Variants in TIRAP observed in about 807,000 individuals in gnomAD.
TIRAP encodes the protein TIR domain containing adaptor protein.
Under a neutral mutation model 19.8 loss-of-function variants are expected in TIRAP, and 20 were observed. That is an observed-to-expected ratio of 1.01 (90% confidence interval 0.71 to 1.47). The LOEUF (loss-of-function observed/expected upper bound fraction) is 1.47. Ranked by LOEUF, TIRAP falls within the 40% of genes most tolerant of loss-of-function variation. TIRAP has a pLI of 0.00. For synonymous variants in TIRAP, 125 were observed against 121.7 expected (o/e 1.03, Z -0.18); for missense variants, 276 against 285.1 (o/e 0.97, Z 0.23).
Position 126,288,761 on chromosome 11 carries a change from TTAA to T in TIRAP, c.-216-1700_-216-1698del. On this transcript the variant is annotated intron_variant, in intron 1 of 4. Transcript: ENST00000392679. The surrounding 1 kb of genome is among the most constrained non-coding windows in gnomAD (Gnocchi z 5.0). ...TTTCATAAAATGAGAAACTGAAACT[TTAA>T]AATCTACATATATTAAGTAGATTAA... is the stretch of plus-strand genomic sequence containing the variant. Among the ~76,000 whole-genome samples, 1 of 152,314 alleles carries T rather than the reference TTAA, an allele frequency of 6.6e-6. No individual in the cohort carries two copies. Among genetic ancestry groups the T allele is most frequent in the Non-Finnish European group, 1.5e-5 (1 of 68,042 alleles).
chr11:126,283,693 G>A (rs1369130169), intron 1 of TIRAP, among the ~76,000 whole-genome samples: 4 of 152,206 alleles, frequency 2.6e-5, no homozygotes, highest in African/African-American at 9.7e-5. Context: ...CCAGTCTTCT[G>A]GTCCCCAGGG....
Position 126,290,923 on chromosome 11 carries a change from C to T in TIRAP, c.29C>T (p.Pro10Leu), listed in dbSNP as rs377412443. The T allele has an allele frequency of 1.2e-6, 2 of 1,607,626 alleles. No individual in the cohort carries two copies. The highest frequency in any genetic ancestry group is 1.7e-5 in the Admixed American group (1 of 59,418). The part of the protein sequence containing the change: MASSTSLPA[P>L]GSRPKKPLGK... ...GCATCATCGACCTCCCTCCCAGCTC[C>T]TGGCTCTCGGCCTAAGAAGCCTCTA... The change falls in exon 3 of 5, where the codon CCT becomes CTT. Residue 10 changes from proline (P) to leucine (L), a missense_variant. Physicochemically the swap from Pro to Leu is moderately conservative, Grantham distance 98. Coordinates refer to ENST00000392679, the MANE Select transcript of TIRAP (RefSeq NM_001318777.2). The surrounding 1 kb of genome is among the most constrained non-coding windows in gnomAD (Gnocchi z 4.9).
rs79200087 is a variant in TIRAP, at chr11:126,293,812, G to A, written c.*125G>A. On this transcript the variant is annotated 3_prime_UTR_variant, in exon 5 of 5. Coordinates refer to ENST00000392679, the MANE Select transcript of TIRAP (RefSeq NM_001318777.2). Reference sequence around the variant, plus strand: ...GAGTGAGTCACAGCGCTTTGCTCGTGACCCTGGGATCAGAGCACCCATCAG... The same window carrying A: ...GAGTGAGTCACAGCGCTTTGCTCGTAACCCTGGGATCAGAGCACCCATCAG... The A allele has an allele frequency of 2.1e-3, 2,317 of 1,081,778 alleles. 20 individuals are homozygous for A. In the East Asian group the frequency reaches 0.025, roughly 12 times the overall value. The allele number at this position is 1,081,778 out of a possible 1,614,324, so 67.0% of individuals were successfully genotyped here.
rs990840481 is a variant in TIRAP at position 126,287,632 on chromosome 11, A to G, written c.-216-2830A>G. Among the ~76,000 whole-genome samples the G allele has an allele frequency of 2.6e-5, 4 of 151,036 alleles. No homozygotes were observed. Among genetic ancestry groups the G allele is most frequent in the Non-Finnish European group, 5.9e-5 (4 of 67,688 alleles). ...CTGTGCCCAGCCCACTTTGGATTTT[A>G]TACAGCAAAACTCCATAATGTTTCC... On this transcript the variant is annotated intron_variant, in intron 1 of 4. Coordinates refer to ENST00000392679, the MANE Select transcript of TIRAP (RefSeq NM_001318777.2). This position sits in a 1 kb window ranked among gnomAD's most constrained non-coding sequence, Gnocchi z 4.2.
At chr11:126,286,480 G>A (rs1159427059) in intron 1 of TIRAP, among the ~76,000 whole-genome samples, 1 of 152,196 alleles carries the variant, frequency 6.6e-6, no homozygotes, top group Non-Finnish European at 1.5e-5. Flanking sequence ...TGTCTATCAA[G>A]CTATAAATGA....
Position 126,294,724 on chromosome 11 carries a change from G to T in TIRAP, c.*1037G>T. On this transcript the variant is annotated 3_prime_UTR_variant, in exon 5 of 5. Transcript: ENST00000392679. ...CCCCCCTCTCACTTCTCCCTATCAT[G>T]ACCCCTCTTTTGCTGAAAAAAATTT... 1 of 299,060 alleles carries T rather than the reference G, an allele frequency of 3.3e-6. No homozygotes were observed. Among genetic ancestry groups the T allele is most frequent in the Non-Finnish European group, 6.7e-6 (1 of 149,358 alleles). 18.5% of individuals were successfully genotyped at this position (299,060 alleles called of 1,614,324 possible). A position where few individuals can be genotyped will look rare whatever the true frequency, so the allele number is the denominator to read the frequency against.
chr11:126,292,996 A>G lies in TIRAP; in HGVS notation c.587A>G (p.Tyr196Cys), dbSNP rs532728808. The G allele has an allele frequency of 2.5e-6, 4 of 1,614,154 alleles. No individual in the cohort carries two copies. Among genetic ancestry groups the G allele is most frequent in the East Asian group, 2.2e-5 (1 of 44,882 alleles). ...CCACCTGAGCTCCGATTCATGTACT[A>G]CGTCGATGGCAGGGGCCCTGATGGT... is the stretch of plus-strand genomic sequence containing the variant. ...AYPPELRFMY[Y>C]VDGRGPDGGF... The change falls in exon 4 of 5, where the codon TAC becomes TGC. Residue 196 changes from tyrosine (Y) to cysteine (C), a missense_variant. Coordinates refer to ENST00000392679, the MANE Select transcript of TIRAP (RefSeq NM_001318777.2).
In TIRAP at chr11:126,292,886, C is replaced by G. The variant is rs1462625137; in HGVS notation, c.477C>G (p.Tyr159Ter). Reference sequence around the variant, plus strand: ...TCCTTCAGGACCCCTGGTGCAAGTACCAGATGCTGCAGGCCCTGACCGAGG... The same window carrying G: ...TCCTTCAGGACCCCTGGTGCAAGTAGCAGATGCTGCAGGCCCTGACCGAGG... The part of the protein sequence containing the change: ...PGFLQDPWCK[Y>*]QMLQALTEAP... The change falls in exon 4 of 5, where the codon TAC (tyrosine) becomes TAG (stop). Residue 159 changes from tyrosine to a stop codon, truncating the protein, a stop_gained. Transcript: ENST00000392679. LOFTEE classifies it high-confidence loss of function. The G allele has an allele frequency of 1.2e-6, 2 of 1,613,430 alleles. No homozygotes were observed. The highest frequency in any genetic ancestry group is 2.7e-5 in the African/African-American group (2 of 74,928).
Position 126,294,190 on chromosome 11 carries a change from G to C in TIRAP, c.*503G>C. On this transcript the variant is annotated 3_prime_UTR_variant, in exon 5 of 5. Coordinates refer to ENST00000392679, the MANE Select transcript of TIRAP (RefSeq NM_001318777.2). ...CCATGGATGGTCTTCCTAGTTGCCT[G>C]GGGAAACCCTGGAATGGGCATCAGG... is the stretch of plus-strand genomic sequence containing the variant. 4.0e-6 allele frequency: 1 copy of C among 250,466 alleles called. No homozygotes were observed. The highest frequency in any genetic ancestry group is 1.0e-4 in the East Asian group (1 of 9,786). The allele number at this position is 250,466 out of a possible 1,614,324, so 15.5% of individuals were successfully genotyped here.
At chr11:126,289,527 C>G (rs1470207825) in intron 1 of TIRAP, 1 of 448,988 alleles carries the variant, frequency 2.2e-6, no homozygotes, top group Non-Finnish European at 2.9e-6. Context: ...GATCCGCCGC[C>G]TTGGCCTCCC....
At position 126,290,741 on chromosome 11, in the gene TIRAP, C is replaced by T; in HGVS notation, c.-92-62C>T. ...AGAAACAGAACTTCGCAGAGCTCAT[C>T]CATGGGGAATGAGAGCAGGGTAAGT... is the stretch of plus-strand genomic sequence containing the variant. On this transcript the variant is annotated intron_variant, in intron 2 of 4. Coordinates refer to ENST00000392679, the MANE Select transcript of TIRAP (RefSeq NM_001318777.2). The surrounding 1 kb of genome is among the most constrained non-coding windows in gnomAD (Gnocchi z 4.9). The T allele has an allele frequency of 7.0e-7, 1 of 1,425,160 alleles. No homozygotes were observed. The allele number at this position is 1,425,160 out of a possible 1,614,324, so 88.3% of individuals were successfully genotyped here.
rs548742559 is a variant in TIRAP, at chr11:126,292,770, C to T, written c.361C>T (p.Arg121Trp). 7.9e-5 allele frequency: 128 copies of T among 1,612,918 alleles called. No homozygotes were observed. The highest frequency in any genetic ancestry group is 3.9e-4 in the South Asian group (35 of 90,888). Residue 121 changes from arginine (R) to tryptophan (W), a missense_variant, in exon 4 of 5, where the codon CGG becomes TGG. Transcript: ENST00000392679. ...TASLRCFLQL[R>W]DATPGGAIVS... The stretch of plus-strand genomic sequence containing the variant: ...CAGCCTGCGCTGCTTCCTGCAACTC[C>T]GGGATGCAACCCCAGGCGGCGCTAT...
intron 1 of TIRAP, 109 bp downstream of exon 1, chr11:126,283,262 CCGCAGGGGTG>C: frequency 1.7e-6 from 1 of 583,172 alleles, no homozygotes. Context: ...CCACCGAGAG[CCGCAGGGGTG>C]CGCGCCGCCT....
rs1951352610 is a variant in TIRAP, at chr11:126,288,982, G to A, written c.-216-1480G>A. Reference sequence around the variant, plus strand: ...GGCATCCTGAACGGCCCTAGCTGCAGCCTACCACTTAGGCTGTCTGAAATC... The same window carrying A: ...GGCATCCTGAACGGCCCTAGCTGCAACCTACCACTTAGGCTGTCTGAAATC... On this transcript the variant is annotated intron_variant, in intron 1 of 4. Transcript: ENST00000392679. This position sits in a 1 kb window ranked among gnomAD's most constrained non-coding sequence, Gnocchi z 5.0. Among the ~76,000 whole-genome samples the A allele has an allele frequency of 6.6e-6, 1 of 152,178 alleles. No individual in the cohort carries two copies. The highest frequency in any genetic ancestry group is 2.4e-5 in the African/African-American group (1 of 41,434).
At position 126,291,313 on chromosome 11, in the gene TIRAP, T is replaced by C. The variant is rs762941082; in HGVS notation, c.67+352T>C. 9.5e-6 allele frequency: 6 copies of C among 633,820 alleles called. No individual in the cohort carries two copies. The highest frequency in any genetic ancestry group is 1.3e-5 in the Non-Finnish European group (5 of 393,538). The allele number at this position is 633,820 out of a possible 1,614,324, so 39.3% of individuals were successfully genotyped here. A position where few individuals can be genotyped will look rare whatever the true frequency, so the allele number is the denominator to read the frequency against. The stretch of plus-strand genomic sequence containing the variant: ...AAGCCAAGCAGAGAGAGAAAATGAA[T>C]CAATCCCCACCACAACTATCTGTCC... On this transcript the variant is annotated intron_variant, in intron 3 of 4. Coordinates refer to ENST00000392679, the MANE Select transcript of TIRAP (RefSeq NM_001318777.2). This position sits in a 1 kb window ranked among gnomAD's most constrained non-coding sequence, Gnocchi z 5.6.
In TIRAP at chr11:126,291,196, C is replaced by T; in HGVS notation, c.67+235C>T. ...GGCTCAAAGGTTTTCCAGGCCTGCTCAGCTAGCTTTCCTAGCCTGGAAACC... is the reference window on the plus strand; with the variant it reads ...GGCTCAAAGGTTTTCCAGGCCTGCTTAGCTAGCTTTCCTAGCCTGGAAACC... On this transcript the variant is annotated intron_variant, in intron 3 of 4. Coordinates refer to ENST00000392679, the MANE Select transcript of TIRAP (RefSeq NM_001318777.2). This position sits in a 1 kb window ranked among gnomAD's most constrained non-coding sequence, Gnocchi z 5.6. 1 of 630,164 alleles carries T rather than the reference C, an allele frequency of 1.6e-6. No individual in the cohort carries two copies. The highest frequency in any genetic ancestry group is 2.0e-5 in the South Asian group (1 of 49,966). 39.0% of individuals were successfully genotyped at this position (630,164 alleles called of 1,614,324 possible). A position where few individuals can be genotyped will look rare whatever the true frequency, so the allele number is the denominator to read the frequency against.
In TIRAP at chr11:126,290,761, G is replaced by A; in HGVS notation, c.-92-42G>A. The stretch of plus-strand genomic sequence containing the variant: ...CTCATCCATGGGGAATGAGAGCAGG[G>A]TAAGTGCAGCCTTTGTGATTCTCTC... On this transcript the variant is annotated intron_variant, in intron 2 of 4. Transcript: ENST00000392679. The surrounding 1 kb of genome is among the most constrained non-coding windows in gnomAD (Gnocchi z 4.9). The A allele has an allele frequency of 6.8e-7, 1 of 1,462,920 alleles. No homozygotes were observed. The highest frequency in any genetic ancestry group is 9.0e-7 in the Non-Finnish European group (1 of 1,111,442). The allele number at this position is 1,462,920 out of a possible 1,614,324, so 90.6% of individuals were successfully genotyped here.
Position 126,293,712 on chromosome 11 carries a change from G to A in TIRAP, c.*25G>A, listed in dbSNP as rs1951437304. The stretch of plus-strand genomic sequence containing the variant: ...ACACTTGTTATATCATGGGACCCCG[G>A]AAATTGGAGTGAAGCTAGAAACAGA... On this transcript the variant is annotated 3_prime_UTR_variant, in exon 5 of 5. Transcript: ENST00000392679. The A allele has an allele frequency of 6.2e-7, 1 of 1,613,960 alleles. No individual in the cohort carries two copies. The highest frequency in any genetic ancestry group is 1.3e-5 in the African/African-American group (1 of 74,926).
rs1419864037 is a variant in TIRAP at position 126,291,002 on chromosome 11, T to C, written c.67+41T>C. 1.3e-6 allele frequency: 2 copies of C among 1,578,778 alleles called. No individual in the cohort carries two copies. On this transcript the variant is annotated intron_variant, in intron 3 of 4. Coordinates refer to ENST00000392679, the MANE Select transcript of TIRAP (RefSeq NM_001318777.2). This position sits in a 1 kb window ranked among gnomAD's most constrained non-coding sequence, Gnocchi z 5.6. The stretch of plus-strand genomic sequence containing the variant: ...CTCGCGACTCTGCTGTGTTCCTGAG[T>C]GTAGTGCTCAGCCTCCATAGGGCGC...
Sources: gnomAD v4.1 joint callset for allele counts (sites outside exome capture counted in the v4.1 genomes callset) on GRCh38, gnomAD v4.1.1 for gene constraint, Gnocchi (gnomAD v3.1) non-coding constraint, MANE v1.5 for transcripts, NCBI Gene and HGNC (gene_info 2026-07-23, HGNC 2026-07-21) for gene names.